Variants in FAHD2A observed in about 807,000 individuals in gnomAD.
FAHD2A encodes fumarylacetoacetate hydrolase domain containing 2A.
Under a neutral mutation model 33.4 loss-of-function variants are expected in FAHD2A, and 27 were observed. That is an observed-to-expected ratio of 0.81 (90% confidence interval 0.60 to 1.11). The LOEUF is 1.11. Ranked by LOEUF, FAHD2A falls within the 50% of genes most tolerant of loss-of-function variation. FAHD2A has a pLI of 0.00. For missense variants in FAHD2A, 296 were observed against 395.0 expected, an observed-to-expected ratio of 0.75 and a Z score of 2.12; for synonymous variants, 130 against 153.3, an observed-to-expected ratio of 0.85 and a Z score of 1.12.
At chr2:95,410,822 A>G (rs1814305) in intron 4 of FAHD2A, 42 bp from the exon 5 acceptor site, 31 of 1,610,544 alleles carry the variant, frequency 1.9e-5, no homozygotes, top group Admixed American at 8.4e-5. Flanking sequence ...GGTGTCACCC[A>G]TGATCTAACC....
At position 95,410,520 on chromosome 2, in the gene FAHD2A, C is replaced by T; in HGVS notation, c.463-7C>T. ...CTGCAGCTCACTGTTCCTCTCCCACCCTACAGGAGGTAGATTGGGAAGTGG... is the reference window on the plus strand; with the variant it reads ...CTGCAGCTCACTGTTCCTCTCCCACTCTACAGGAGGTAGATTGGGAAGTGG... On this transcript the variant is annotated splice_region_variant and splice_polypyrimidine_tract_variant and intron_variant, in intron 3 of 7. Transcript: ENST00000233379. 6.2e-7 allele frequency: 1 copy of T among 1,606,886 alleles called. No homozygotes were observed. Among genetic ancestry groups the T allele is most frequent in the East Asian group, 2.2e-5 (1 of 44,682 alleles).
downstream of FAHD2A, among the ~76,000 whole-genome samples, chr2:95,418,830 A>G (rs1390064014): frequency 2.0e-5 from 3 of 152,116 alleles, no homozygotes; most frequent in Non-Finnish European, 2.9e-5. Flanking sequence ...ATATGTCAAA[A>G]TTCTCATCCC....
rs1178057357 is a variant in FAHD2A, at chr2:95,414,107, G to A, written c.*1150G>A. On this transcript the variant is annotated 3_prime_UTR_variant, in exon 8 of 8. Coordinates refer to ENST00000233379, the MANE Select transcript of FAHD2A (RefSeq NM_016044.3). Reference sequence around the variant, plus strand: ...CTCCTCTTGTTTAAAGAAGCCCAGGGAGGGATAGATCTCCGACTGGACAGA... The same window carrying A: ...CTCCTCTTGTTTAAAGAAGCCCAGGAAGGGATAGATCTCCGACTGGACAGA... The A allele has an allele frequency of 6.9e-7, 1 of 1,453,660 alleles. No individual in the cohort carries two copies. The highest frequency in any genetic ancestry group is 9.6e-7 in the Non-Finnish European group (1 of 1,046,122). The allele number at this position is 1,453,660 out of a possible 1,614,324, so 90.0% of individuals were successfully genotyped here. A position where few individuals can be genotyped will look rare whatever the true frequency, so the allele number is the denominator to read the frequency against.
chr2:95,412,099 T>A (rs1682613765), intron 5 of FAHD2A, among the ~76,000 whole-genome samples: 1 of 152,118 alleles, frequency 6.6e-6, no homozygotes, highest in Non-Finnish European at 1.5e-5. Flanking sequence ...CCCTGCTGAG[T>A]CAATCTACAG....
chr2:95,410,958 T>C lies in FAHD2A; in HGVS notation c.617T>C (p.Leu206Pro). Residue 206 changes from leucine to proline, a missense_variant, in exon 5 of 8, where the codon CTG becomes CCG. Leu to Pro is a moderately conservative substitution (Grantham distance 98). Coordinates refer to ENST00000233379, the MANE Select transcript of FAHD2A (RefSeq NM_016044.3). ...WQMRRNGKQWLLGKTFDTFCP... is the reference protein window; with the variant it reads ...WQMRRNGKQWPLGKTFDTFCP... ...ATGAGACGTAATGGGAAACAATGGC[T>C]GCTGGGAAAAACCTTCGACACCTTC... 6.2e-7 allele frequency: 1 copy of C among 1,614,014 alleles called. No homozygotes were observed. Among genetic ancestry groups the C allele is most frequent in the Non-Finnish European group, 8.5e-7 (1 of 1,179,870 alleles).
rs763197143 is a variant in FAHD2A at position 95,405,592 on chromosome 2, GTT to G, written c.35_36del (p.Val12AlafsTer47). 9.3e-6 allele frequency: 15 copies of G among 1,613,802 alleles called. No homozygotes were observed. In the South Asian group the frequency reaches 1.5e-4, roughly 17 times the overall value. On this transcript the variant is annotated frameshift_variant, in exon 2 of 8. Transcript: ENST00000233379. LOFTEE classifies it high-confidence loss of function. ...LVSGRRRLLT[V>X]LLQAQKWPFQ... is the part of the protein sequence containing the mutation. ...GTCTGGTAGAAGAAGGTTACTCACA[GTT>G]CTGCTGCAGGCTCAGAAGTGGCCCT...
chr2:95,411,750 T>C (rs1342886409), intron 5 of FAHD2A, among the ~76,000 whole-genome samples: 2 of 152,250 alleles, frequency 1.3e-5, no homozygotes, highest in Non-Finnish European at 2.9e-5. Context: ...ACGAGGCTTC[T>C]CTGTCCCGGC....
intron 5 of FAHD2A, among the ~76,000 whole-genome samples, chr2:95,411,797 C>CT (rs530101608): frequency 1.1e-3 from 173 of 152,030 alleles, no homozygotes; most frequent in Non-Finnish European, 1.8e-3. Flanking sequence ...GATGCTGAGT[C>CT]TTTTTTTTGC....
chr2:95,418,226 A>G (rs554985042), downstream of FAHD2A, among the ~76,000 whole-genome samples: 2 of 152,022 alleles, frequency 1.3e-5, no homozygotes, highest in East Asian at 3.9e-4. Flanking sequence ...AAATGGATAG[A>G]TGGTAGTATG....
downstream of FAHD2A, among the ~76,000 whole-genome samples, chr2:95,418,159 C>T (rs753203758): frequency 6.6e-6 from 1 of 151,942 alleles, no homozygotes; most frequent in African/African-American, 2.4e-5. Flanking sequence ...ACCACAAGTA[C>T]CTGTAGAAGT....
At chr2:95,405,877 C>T in intron 2 of FAHD2A, 74 bp downstream of exon 2, 1 of 1,450,510 alleles carries the variant, frequency 6.9e-7, no homozygotes, top group Non-Finnish European at 9.1e-7. Flanking sequence ...TGGGAAACAG[C>T]ACCAGCAGGT....
chr2:95,411,033 C>G lies in FAHD2A; in HGVS notation c.685+7C>G, dbSNP rs746621447. 1 of 1,613,636 alleles carries G rather than the reference C, an allele frequency of 6.2e-7. No homozygotes were observed. The highest frequency in any genetic ancestry group is 1.3e-5 in the African/African-American group (1 of 74,920). On this transcript the variant is annotated splice_region_variant and intron_variant, in intron 5 of 7. Transcript: ENST00000233379. ...ACCAAGGACAGTGTAGCAGGTAGGT[C>G]CCTGGTCCCTGCCCCCTTATACCTA...
At chr2:95,407,215 G>A in intron 3 of FAHD2A, 58 bp downstream of exon 3, 1 of 1,604,230 alleles carries the variant, frequency 6.2e-7, no homozygotes, top group Non-Finnish European at 8.5e-7. Flanking sequence ...GGCATTCTGA[G>A]CTCAGTATTG....
chr2:95,413,108 T>C lies in FAHD2A; in HGVS notation c.*151T>C, dbSNP rs1682803424. ...GGGAGAAGGACAGAGCTCTCTTCAA[T>C]AAATTCGTCAGGTCAAAGCAGCAGC... is the stretch of plus-strand genomic sequence containing the variant. On this transcript the variant is annotated 3_prime_UTR_variant, in exon 8 of 8. Coordinates refer to ENST00000233379, the MANE Select transcript of FAHD2A (RefSeq NM_016044.3). The C allele has an allele frequency of 8.1e-7, 1 of 1,236,576 alleles. No homozygotes were observed. Among genetic ancestry groups the C allele is most frequent in the Non-Finnish European group, 1.1e-6 (1 of 892,766 alleles). The allele number at this position is 1,236,576 out of a possible 1,614,324, so 76.6% of individuals were successfully genotyped here. A position where few individuals can be genotyped will look rare whatever the true frequency, so the allele number is the denominator to read the frequency against.
intron 1 of FAHD2A, among the ~76,000 whole-genome samples, chr2:95,404,382 C>T (rs1681193598): frequency 6.6e-6 from 1 of 152,002 alleles, no homozygotes; most frequent in Non-Finnish European, 1.5e-5. Flanking sequence ...CAACCTCCTT[C>T]CCCTGGGTTC....
In FAHD2A at chr2:95,402,756, T is replaced by A. The variant is rs1383208858; in HGVS notation, c.-123T>A. The A allele has an allele frequency of 1.3e-5, 2 of 152,450 alleles. No individual in the cohort carries two copies. Among genetic ancestry groups the A allele is most frequent in the Non-Finnish European group, 2.9e-5 (2 of 68,230 alleles). The allele number at this position is 152,450 out of a possible 1,614,324, so 9.4% of individuals were successfully genotyped here. On this transcript the variant is annotated 5_prime_UTR_variant, in exon 1 of 8. Coordinates refer to ENST00000233379, the MANE Select transcript of FAHD2A (RefSeq NM_016044.3). ...CGAGTGGCCCTGGGTTAGCAGCTGC[T>A]GCATTTCCCCGGCTGGCTGCGGTCA...
intron 1 of FAHD2A, among the ~76,000 whole-genome samples, chr2:95,404,428 G>A (rs1272907073): frequency 6.6e-6 from 1 of 152,078 alleles, no homozygotes; most frequent in Non-Finnish European, 1.5e-5. Flanking sequence ...CTAGTAGCTG[G>A]GATTACAGGT....
chr2:95,419,074 CAAAG>C (rs1683278688), downstream of FAHD2A, among the ~76,000 whole-genome samples: 1 of 151,980 alleles, frequency 6.6e-6, no homozygotes, highest in South Asian at 2.1e-4. Flanking sequence ...CTGGAATAGA[CAAAG>C]AAGTATCCTC....
downstream of FAHD2A, among the ~76,000 whole-genome samples, chr2:95,417,402 T>C (rs1683240681): frequency 6.6e-6 from 1 of 151,960 alleles, no homozygotes; most frequent in Non-Finnish European, 1.5e-5. Context: ...CCAGGCAAAT[T>C]CCACCATTCA....
Sources: gnomAD v4.1 joint callset for allele counts (sites outside exome capture counted in the v4.1 genomes callset) on GRCh38, gnomAD v4.1.1 for gene constraint, MANE v1.5 for transcripts, NCBI Gene and HGNC (gene_info 2026-07-23, HGNC 2026-07-21) for gene names.